Variants in DEPDC1B observed in about 807,000 individuals in gnomAD.
The protein encoded by DEPDC1B is DEP domain containing 1B.
DEPDC1B carries 51 observed loss-of-function variants against 66.5 expected under a neutral mutation model. The observed-to-expected ratio is 0.77, with a 90% CI of 0.61 to 0.97. The LOEUF is 0.97. Ranked by LOEUF, DEPDC1B falls within the 50% of genes least tolerant of loss-of-function variation. The pLI, the probability that DEPDC1B is intolerant of heterozygous loss-of-function variation, is 0.00. For missense variants in DEPDC1B, 552 were observed against 637.1 expected, an observed-to-expected ratio of 0.87 and a Z score of 1.44; for synonymous variants, 226 against 223.6, an observed-to-expected ratio of 1.01 and a Z score of -0.10.
rs183598750 is a variant in DEPDC1B at position 60,692,360 on chromosome 5, T to A, written c.49-5133A>T. 3.9e-3 allele frequency among the ~76,000 whole-genome samples: 601 copies of A among 152,328 alleles called. 6 individuals carry two copies. The highest frequency in any genetic ancestry group is 0.014 in the African/African-American group (574 of 41,586). On this transcript the variant is annotated intron_variant, in intron 1 of 10. Coordinates refer to ENST00000265036, the MANE Select transcript of DEPDC1B (RefSeq NM_018369.3). The stretch of plus-strand genomic sequence containing the variant: ...AAAAAATGTTAAGTATTTGAGGTGA[T>A]GGATATGGTAATTAGCTTGATTTAA...
chr5:60,643,013 T>C (rs1181828988), intron 5 of DEPDC1B, among the ~76,000 whole-genome samples, 154 bp from the exon 6 acceptor site: 2 of 152,198 alleles, frequency 1.3e-5, no homozygotes, highest in African/African-American at 4.8e-5. Flanking sequence ...ATTTAAAAGA[T>C]GGAAACCTTT....
In DEPDC1B at chr5:60,654,860, C is replaced by T. The variant is rs1021942441; in HGVS notation, c.315-7327G>A. Among the ~76,000 whole-genome samples the T allele has an allele frequency of 1.3e-5, 2 of 148,902 alleles. 1 individual carries two copies. Among genetic ancestry groups the T allele is most frequent in the East Asian group, 4.1e-4 (2 of 4,856 alleles). ...AAGTGATGCTGGATTTTGTCAAATG[C>T]TCTTTCTGTGTCTATTGGGATGATC... On this transcript the variant is annotated intron_variant, in intron 2 of 10. Transcript: ENST00000265036.
At chr5:60,661,456 G>A (rs1753713738) in intron 2 of DEPDC1B, among the ~76,000 whole-genome samples, 1 of 152,172 alleles carries the variant, frequency 6.6e-6, no homozygotes, top group African/African-American at 2.4e-5. Context: ...ACTTTTTTCA[G>A]ACGGGAAACG....
intron 2 of DEPDC1B, among the ~76,000 whole-genome samples, chr5:60,681,530 A>C (rs560527388): frequency 1.3e-5 from 2 of 152,344 alleles, no homozygotes; most frequent in South Asian, 4.1e-4. Flanking sequence ...GCCAATCCAT[A>C]AAACTAGAAG....
intron 1 of DEPDC1B, among the ~76,000 whole-genome samples, chr5:60,692,372 T>A (rs1212776352): frequency 6.6e-6 from 1 of 152,186 alleles, no homozygotes; most frequent in Non-Finnish European, 1.5e-5. Context: ...GATATGGTAA[T>A]TAGCTTGATT....
chr5:60,684,696 G>T (rs1391829595), intron 2 of DEPDC1B, among the ~76,000 whole-genome samples: 1 of 152,082 alleles, frequency 6.6e-6, no homozygotes, highest in Non-Finnish European at 1.5e-5. Context: ...GACTTTATGG[G>T]TAAGACTACA....
intron 7 of DEPDC1B, among the ~76,000 whole-genome samples, chr5:60,615,740 A>G (rs918879398): frequency 5.3e-5 from 8 of 152,164 alleles, no homozygotes; most frequent in Admixed American, 2.6e-4. Context: ...AACAAAAGGG[A>G]GCAATAACCT....
intron 2 of DEPDC1B, among the ~76,000 whole-genome samples, chr5:60,679,237 T>C (rs56726435): frequency 0.34 from 52,222 of 152,050 alleles, 10,576 homozygotes; most frequent in East Asian, 0.57. Context: ...GGACTCTCTA[T>C]TCTGTACCAC....
intron 2 of DEPDC1B, among the ~76,000 whole-genome samples, chr5:60,683,826 T>C (rs1252813715): frequency 6.6e-6 from 1 of 152,060 alleles, no homozygotes; most frequent in Admixed American, 6.6e-5. Flanking sequence ...AGTACTCCCT[T>C]TTCACAAACG....
intron 8 of DEPDC1B, among the ~76,000 whole-genome samples, chr5:60,603,884 T>A (rs532225731): frequency 6.6e-6 from 1 of 151,126 alleles, no homozygotes; most frequent in East Asian, 1.9e-4. Context: ...TGAAAACAAA[T>A]TTTGAAAATC....
In DEPDC1B at chr5:60,641,930, A is replaced by G. The variant is rs192204587; in HGVS notation, c.757+882T>C. On this transcript the variant is annotated intron_variant, in intron 6 of 10. Transcript: ENST00000265036. ...TATACAGAAGGATAGTATAGAATGA[A>G]TGAATAGCATTCATCTTCAAAAGGC... 5.3e-5 allele frequency among the ~76,000 whole-genome samples: 8 copies of G among 152,338 alleles called. No individual in the cohort carries two copies. The East Asian group carries it at 1.5e-3, about 29-fold the overall frequency.
At chr5:60,689,950 G>A (rs1370510873) in intron 1 of DEPDC1B, among the ~76,000 whole-genome samples, 2 of 152,174 alleles carry the variant, frequency 1.3e-5, no homozygotes, top group African/African-American at 4.8e-5. Flanking sequence ...ACTGAGCGGG[G>A]AGGCTGAAGT....
At chr5:60,659,781 G>C (rs1163986204) in intron 2 of DEPDC1B, among the ~76,000 whole-genome samples, 2 of 152,118 alleles carry the variant, frequency 1.3e-5, no homozygotes, top group Non-Finnish European at 2.9e-5. Context: ...AGGTACTAAT[G>C]GTTCAGACTT....
At chr5:60,660,636 C>T (rs765049938) in intron 2 of DEPDC1B, among the ~76,000 whole-genome samples, 2 of 152,176 alleles carry the variant, frequency 1.3e-5, no homozygotes, top group Admixed American at 6.5e-5. Context: ...TAGGGGAAAC[C>T]TCATTGTAAG....
chr5:60,606,593 T>G (rs1290628448), intron 7 of DEPDC1B, among the ~76,000 whole-genome samples: 1 of 110,286 alleles, frequency 9.1e-6, no homozygotes, highest in African/African-American at 3.8e-5. Context: ...GGCAACATAG[T>G]GAGAACCCAT....
chr5:60,605,816 C>T lies in DEPDC1B; in HGVS notation c.939G>A (p.Gln313=). The T allele has an allele frequency of 6.2e-7, 1 of 1,612,460 alleles. No homozygotes were observed. Among genetic ancestry groups the T allele is most frequent in the Non-Finnish European group, 8.5e-7 (1 of 1,179,366 alleles). Residue 313 remains glutamine, a synonymous_variant, in exon 8 of 11, where the codon CAG becomes CAA. Transcript: ENST00000265036. The part of the protein sequence containing the change: ...QKEKVAVEAF[Q]ICCLLLPPEN... ...CAGGAGGTAGGAGAAGGCAGCAAAT[C>T]TGAAATGCTTCAACTGCCACTTTCT...
Position 60,644,635 on chromosome 5 carries a change from T to C in DEPDC1B, c.709+110A>G, listed in dbSNP as rs1753266880. On this transcript the variant is annotated intron_variant, in intron 5 of 10. Transcript: ENST00000265036. ...AAGGTATTAGAAAGAATATACGTAA[T>C]GAAGGAACAAACTTATTCAGGGTTT... The C allele has an allele frequency of 4.6e-6, 4 of 867,470 alleles. No individual in the cohort carries two copies. In the Admixed American group the frequency reaches 9.3e-5, roughly 20 times the overall value. 53.7% of individuals were successfully genotyped at this position (867,470 alleles called of 1,614,324 possible). A position where few individuals can be genotyped will look rare whatever the true frequency, so the allele number is the denominator to read the frequency against.
chr5:60,690,777 C>A (rs575933029), intron 1 of DEPDC1B, among the ~76,000 whole-genome samples: 1 of 152,058 alleles, frequency 6.6e-6, no homozygotes, highest in Admixed American at 6.6e-5. Flanking sequence ...TTTGCCCAAC[C>A]TTGGGTCATG....
At chr5:60,692,784 T>C (rs1754576000) in intron 1 of DEPDC1B, among the ~76,000 whole-genome samples, 2 of 152,216 alleles carry the variant, frequency 1.3e-5, no homozygotes, top group African/African-American at 4.8e-5. Flanking sequence ...TAATAAGTTA[T>C]AATATATTCA....
Sources: gnomAD v4.1 joint callset for allele counts (sites outside exome capture counted in the v4.1 genomes callset) on GRCh38, gnomAD v4.1.1 for gene constraint, MANE v1.5 for transcripts, NCBI Gene and HGNC (gene_info 2026-07-23, HGNC 2026-07-21) for gene names.